SLC2A13: variants seen among roughly 807,000 people sequenced by gnomAD.
SLC2A13 encodes proton myo-inositol cotransporter.
SLC2A13 carries 32 observed loss-of-function variants against 64.4 expected under a neutral mutation model. That is an observed-to-expected ratio of 0.50 (90% CI 0.37 to 0.67). SLC2A13 has a LOEUF of 0.67. Ranked by LOEUF, SLC2A13 falls within the 30% of genes least tolerant of loss-of-function variation. The pLI is 0.00. For synonymous variants in SLC2A13, 338 were observed against 327.1 expected (o/e 1.03, Z -0.36); for missense variants, 743 against 829.2 (o/e 0.90, Z 1.28).
chr12:39,908,960 C>T (rs1226400841), intron 4 of SLC2A13, among the ~76,000 whole-genome samples: 1 of 151,724 alleles, frequency 6.6e-6, no homozygotes, highest in African/African-American at 2.4e-5. Flanking sequence ...TGGGCTATAT[C>T]AGGATTTAAA....
chr12:39,904,158 G>A (rs1297149975), intron 4 of SLC2A13, among the ~76,000 whole-genome samples: 1 of 152,118 alleles, frequency 6.6e-6, no homozygotes. Flanking sequence ...TACACAGGAT[G>A]CACTTCTTTC....
At chr12:39,907,837 T>C (rs1300205966) in intron 4 of SLC2A13, 4 of 152,210 alleles carry the variant, frequency 2.6e-5, no homozygotes, top group African/African-American at 9.6e-5. Flanking sequence ...TGCTTCATTC[T>C]GAGCGTTCTT....
chr12:40,074,112 A>G lies in SLC2A13; in HGVS notation c.557-25902T>C, dbSNP rs371365310. On this transcript the variant is annotated intron_variant, in intron 1 of 9. Transcript: ENST00000280871. ...GAGGATTCTTTTAAAAACATCCTCA[A>G]GCTTGGACATTCTTTCTTCAGCCAT... 2.2e-4 allele frequency among the ~76,000 whole-genome samples: 33 copies of G among 151,680 alleles called. No individual in the cohort carries two copies. The South Asian group carries it at 5.0e-3, about 23-fold the overall frequency.
At chr12:40,066,741 C>T (rs1937741722) in intron 1 of SLC2A13, among the ~76,000 whole-genome samples, 2 of 152,076 alleles carry the variant, frequency 1.3e-5, no homozygotes, top group Admixed American at 1.3e-4. Flanking sequence ...CGGAAGATTG[C>T]TTTGGGTTTG....
intron 7 of SLC2A13, among the ~76,000 whole-genome samples, chr12:39,776,503 G>T (rs1294239669): frequency 3.3e-5 from 5 of 152,220 alleles, no homozygotes; most frequent in African/African-American, 9.6e-5. Flanking sequence ...TATTCTCTGA[G>T]AAGTCAGAAT....
At chr12:39,984,609 A>T (rs1378683648) in intron 3 of SLC2A13, among the ~76,000 whole-genome samples, 1 of 152,196 alleles carries the variant, frequency 6.6e-6, no homozygotes, top group Non-Finnish European at 1.5e-5. Flanking sequence ...ACTAATATCC[A>T]GTGAATATAT....
chr12:39,822,536 C>T (rs1182136392), intron 7 of SLC2A13, among the ~76,000 whole-genome samples: 1 of 152,162 alleles, frequency 6.6e-6, no homozygotes, highest in Admixed American at 6.5e-5. Context: ...AAATTCCAAG[C>T]TCCCCAGACT....
Position 40,101,453 on chromosome 12 carries a change from G to A in SLC2A13, c.556+3800C>T, listed in dbSNP as rs1939145139. On this transcript the variant is annotated intron_variant, in intron 1 of 9. Coordinates refer to ENST00000280871, the MANE Select transcript of SLC2A13 (RefSeq NM_052885.4). ...TCAGTAATTCACGGTCACATGCTAT[G>A]CTTTACCCATCCTGTAGTAGCCATC... Among the ~76,000 whole-genome samples, 4 of 152,128 alleles carry A rather than the reference G, an allele frequency of 2.6e-5. No homozygotes were observed. The South Asian group carries it at 8.3e-4, about 32-fold the overall frequency.
chr12:39,878,845 T>C (rs1037165831), intron 4 of SLC2A13, among the ~76,000 whole-genome samples: 20 of 152,212 alleles, frequency 1.3e-4, no homozygotes, highest in African/African-American at 4.6e-4. Context: ...GCCAAGACTA[T>C]GGGAAAAAGT....
intron 3 of SLC2A13, among the ~76,000 whole-genome samples, chr12:39,963,281 C>T (rs1258483528): frequency 1.7e-4 from 14 of 80,342 alleles, no homozygotes; most frequent in South Asian, 1.2e-3. Context: ...AGCGAGACTC[C>T]GTCTCAAAAA....
intron 2 of SLC2A13, among the ~76,000 whole-genome samples, chr12:40,035,443 C>G (rs772310398): frequency 5.9e-5 from 9 of 152,194 alleles, no homozygotes; most frequent in Non-Finnish European, 1.0e-4. Flanking sequence ...AACATTGCCA[C>G]ATTGAGATCC....
intron 7 of SLC2A13, among the ~76,000 whole-genome samples, chr12:39,768,833 A>G (rs1940457844): frequency 1.3e-5 from 2 of 152,130 alleles, no homozygotes; most frequent in Non-Finnish European, 2.9e-5. Context: ...TATTGGAAAT[A>G]TGGTGACAAT....
intron 3 of SLC2A13, among the ~76,000 whole-genome samples, chr12:39,988,063 C>T (rs532575427): frequency 3.4e-4 from 52 of 152,106 alleles, no homozygotes; most frequent in African/African-American, 1.2e-3. Flanking sequence ...CAGTTTTTCG[C>T]GACTACAAAC....
At chr12:39,855,163 C>T (rs567935869) in intron 6 of SLC2A13, among the ~76,000 whole-genome samples, 7 of 152,072 alleles carry the variant, frequency 4.6e-5, no homozygotes, top group East Asian at 1.9e-4. Flanking sequence ...ATTAGACTTG[C>T]GGCTATATTT....
intron 5 of SLC2A13, among the ~76,000 whole-genome samples, chr12:39,867,481 A>C (rs556927976): frequency 2.2e-4 from 34 of 152,290 alleles, no homozygotes; most frequent in East Asian, 1.3e-3. Flanking sequence ...AAAACAAAAA[A>C]AAAACTGTTA....
intron 3 of SLC2A13, among the ~76,000 whole-genome samples, chr12:39,953,919 G>T (rs1366883624): frequency 6.6e-6 from 1 of 152,160 alleles, no homozygotes; most frequent in African/African-American, 2.4e-5. Context: ...CACTTTTGTG[G>T]ATGATAGGTT....
At chr12:40,049,835 T>C (rs1211732946) in intron 1 of SLC2A13, among the ~76,000 whole-genome samples, 1 of 152,158 alleles carries the variant, frequency 6.6e-6, no homozygotes, top group Non-Finnish European at 1.5e-5. Flanking sequence ...TAACTACTGA[T>C]AAGTAGTTAT....
At chr12:40,034,719 T>C (rs1400211949) in intron 2 of SLC2A13, among the ~76,000 whole-genome samples, 1 of 152,152 alleles carries the variant, frequency 6.6e-6, no homozygotes, top group Non-Finnish European at 1.5e-5. Flanking sequence ...CAAATAACTA[T>C]AAAATAAACT....
chr12:39,965,929 C>CT (rs1271592854), intron 3 of SLC2A13, among the ~76,000 whole-genome samples: 1 of 152,084 alleles, frequency 6.6e-6, no homozygotes, highest in Non-Finnish European at 1.5e-5. Flanking sequence ...TGGCATATCC[C>CT]TGAGTGCTCA....
Sources: allele counts gnomAD v4.1 joint callset (sites outside exome capture counted in the v4.1 genomes callset), GRCh38; gene constraint gnomAD v4.1.1; transcripts MANE v1.5; gene names NCBI Gene and HGNC (gene_info 2026-07-23, HGNC 2026-07-21).